The following PRKCB variants were observed in gnomAD, a reference collection of about 807,000 sequenced individuals.
PRKCB encodes the protein protein kinase C beta.
PRKCB carries 13 observed loss-of-function variants against 81.5 expected under a neutral mutation model. The ratio of observed to expected loss-of-function variants is 0.16; its 90% CI spans 0.10 to 0.25. The LOEUF is 0.25. Ranked by LOEUF, PRKCB falls within the 10% of genes least tolerant of loss-of-function variation. The probability of loss-of-function intolerance (pLI) is 1.00; values close to 1 mark genes in which losing one functional copy is unlikely to be tolerated. For missense variants in PRKCB, 509 were observed against 875.7 expected, an observed-to-expected ratio of 0.58 and a Z score of 5.29; for synonymous variants, 335 against 321.4, an observed-to-expected ratio of 1.04 and a Z score of -0.45.
chr16:23,965,331 T>A lies in PRKCB; in HGVS notation c.206-23177T>A, dbSNP rs563625899. On this transcript the variant is annotated intron_variant, in intron 2 of 16. Transcript: ENST00000643927. ...GCAGCAAAGAGCATGGTTTCATTCT[T>A]TTTTATGCCTGCATAGTATTCCATG... Among the ~76,000 whole-genome samples the A allele has an allele frequency of 6.6e-5, 10 of 152,358 alleles. No homozygotes were observed. In the East Asian group the frequency reaches 1.9e-3, roughly 29 times the overall value.
At chr16:24,001,114 C>A (rs1224273568) in intron 3 of PRKCB, among the ~76,000 whole-genome samples, 1 of 152,006 alleles carries the variant, frequency 6.6e-6, no homozygotes, top group Non-Finnish European at 1.5e-5. Context: ...AGGAGCCTCT[C>A]CTGCTCTATA....
intron 3 of PRKCB, among the ~76,000 whole-genome samples, chr16:24,019,962 T>G (rs972258411): frequency 6.6e-6 from 1 of 152,186 alleles, no homozygotes; most frequent in African/African-American, 2.4e-5. Context: ...TATCTGTATA[T>G]TACTTCCTAT....
chr16:23,939,121 A>G (rs998562796), intron 2 of PRKCB, among the ~76,000 whole-genome samples: 1 of 152,218 alleles, frequency 6.6e-6, no homozygotes, highest in Admixed American at 6.5e-5. Flanking sequence ...TTGAAAATAT[A>G]ATACTATTGA....
chr16:24,163,383 A>G (rs141124702), intron 10 of PRKCB, among the ~76,000 whole-genome samples: 2 of 152,366 alleles, frequency 1.3e-5, no homozygotes, highest in East Asian at 1.9e-4. Context: ...AAGCCATCCA[A>G]GGATCTTGAG....
chr16:23,979,419 G>A (rs563161817), intron 2 of PRKCB, among the ~76,000 whole-genome samples: 3 of 152,230 alleles, frequency 2.0e-5, no homozygotes, highest in Admixed American at 6.5e-5. Context: ...TGTGCCATTC[G>A]GTGGATTTAG....
At chr16:23,874,111 G>A (rs1962956544) in intron 2 of PRKCB, among the ~76,000 whole-genome samples, 1 of 152,146 alleles carries the variant, frequency 6.6e-6, no homozygotes, top group South Asian at 2.1e-4. Context: ...TACTAAAATA[G>A]TATTAGGCTA....
In PRKCB at chr16:24,215,877, G is replaced by A; in HGVS notation, c.*1061G>A. ...AAAAGACACCGTTTCTTGAAACAAA[G>A]ATGGTTGTATTCCTCACTTTGATGT... On this transcript the variant is annotated 3_prime_UTR_variant, in exon 17 of 17. Transcript: ENST00000643927. The A allele has an allele frequency of 2.0e-6, 2 of 985,104 alleles. No individual in the cohort carries two copies. The highest frequency in any genetic ancestry group is 2.4e-6 in the Non-Finnish European group (2 of 829,876). 61.0% of individuals were successfully genotyped at this position (985,104 alleles called of 1,614,324 possible).
At position 24,218,507 on chromosome 16, in the gene PRKCB, CCACCTCACTCCCA is replaced by C. The variant is rs1417054703; in HGVS notation, c.*3696_*3708del. ...ACGTGTGCTCCTGAGTTCAGTGTGC[CCACCTCACTCCCA>C]CACCCTCACATAGACTTGGCAAGAG... On this transcript the variant is annotated 3_prime_UTR_variant, in exon 17 of 17. Coordinates refer to ENST00000643927, the MANE Select transcript of PRKCB (RefSeq NM_002738.7). The C allele has an allele frequency of 1.5e-5, 15 of 985,296 alleles. No individual in the cohort carries two copies. Among genetic ancestry groups the C allele is most frequent in the African/African-American group, 1.7e-5 (1 of 57,190 alleles). The allele number at this position is 985,296 out of a possible 1,614,324, so 61.0% of individuals were successfully genotyped here.
chr16:24,158,460 A>T (rs1044528718), intron 10 of PRKCB, among the ~76,000 whole-genome samples: 6 of 151,966 alleles, frequency 3.9e-5, no homozygotes, highest in African/African-American at 1.5e-4. Flanking sequence ...CAGGATTTGA[A>T]CCCAGGCAGT....
At chr16:24,201,611 G>A (rs114504303) in intron 16 of PRKCB, among the ~76,000 whole-genome samples, 3,651 of 152,246 alleles carry the variant, frequency 0.024, 161 homozygotes, top group African/African-American at 0.081. Context: ...TGATTGACCG[G>A]GCCTGGGTCA....
intron 3 of PRKCB, among the ~76,000 whole-genome samples, chr16:24,018,896 A>G (rs1214835546): frequency 6.6e-6 from 1 of 152,168 alleles, no homozygotes; most frequent in East Asian, 1.9e-4. Context: ...TCATGCTCAG[A>G]CAATCTCCGT....
chr16:23,967,084 A>G (rs1964497097), intron 2 of PRKCB, among the ~76,000 whole-genome samples: 1 of 149,948 alleles, frequency 6.7e-6, no homozygotes, highest in Non-Finnish European at 1.5e-5. Flanking sequence ...GCCTTAAGAC[A>G]CTCCTCTAAT....
At chr16:24,154,131 A>ATGTATACC (rs1967118022) in intron 9 of PRKCB, among the ~76,000 whole-genome samples, 1 of 152,120 alleles carries the variant, frequency 6.6e-6, no homozygotes, top group Non-Finnish European at 1.5e-5. Flanking sequence ...CCTCAGAGGG[A>ATGTATACC]TCAATATACA....
intron 13 of PRKCB, among the ~76,000 whole-genome samples, chr16:24,184,381 G>A (rs1301308637): frequency 1.3e-5 from 2 of 151,778 alleles, no homozygotes; most frequent in African/African-American, 2.4e-5. Context: ...AGCCCAGGAG[G>A]CCAAGGCTGT....
intron 10 of PRKCB, among the ~76,000 whole-genome samples, chr16:24,159,418 C>G (rs556584441): frequency 3.9e-4 from 59 of 152,302 alleles, no homozygotes; most frequent in Admixed American, 2.8e-3. Context: ...GAACAAAAAG[C>G]AGCAGCTAAC....
chr16:23,946,549 T>C (rs376144208), intron 2 of PRKCB, among the ~76,000 whole-genome samples: 3 of 152,006 alleles, frequency 2.0e-5, no homozygotes, highest in African/African-American at 7.3e-5. Context: ...GTTGTTAAGA[T>C]TTAATGAGTT....
At chr16:24,130,749 G>T (rs1464020139) in intron 9 of PRKCB, among the ~76,000 whole-genome samples, 2 of 152,170 alleles carry the variant, frequency 1.3e-5, no homozygotes, top group Admixed American at 1.3e-4. Context: ...TCAGAGGGTG[G>T]AGGAGGCACA....
chr16:23,841,770 C>T (rs1293881062), intron 2 of PRKCB, among the ~76,000 whole-genome samples: 1 of 149,340 alleles, frequency 6.7e-6, no homozygotes, highest in South Asian at 2.1e-4. Context: ...ATTCTCGTGC[C>T]TCAGCCTCTT....
At chr16:24,039,607 G>A (rs1230573166) in intron 5 of PRKCB, among the ~76,000 whole-genome samples, 1 of 152,202 alleles carries the variant, frequency 6.6e-6, no homozygotes, top group Non-Finnish European at 1.5e-5. Context: ...GTCAGTTACT[G>A]CTGTAGGCTG....
Sources: gnomAD v4.1 joint callset for allele counts (sites outside exome capture counted in the v4.1 genomes callset) on GRCh38, gnomAD v4.1.1 for gene constraint, MANE v1.5 for transcripts, NCBI Gene and HGNC (gene_info 2026-07-23, HGNC 2026-07-21) for gene names.